SPTBN1: variants seen among roughly 807,000 people sequenced by gnomAD.
SPTBN1 encodes spectrin beta chain, non-erythrocytic 1.
SPTBN1 carries 32 observed loss-of-function variants against 266.4 expected under a neutral mutation model. That is an observed-to-expected ratio of 0.12 (90% CI 0.09 to 0.16). The LOEUF (loss-of-function observed/expected upper bound fraction) is 0.16, where lower values mean the gene tolerates loss of function less well. Ranked by LOEUF, SPTBN1 falls within the 10% of genes least tolerant of loss-of-function variation. The probability of loss-of-function intolerance (pLI) is 1.00; values close to 1 mark genes in which losing one functional copy is unlikely to be tolerated. For missense variants in SPTBN1, 2,296 were observed against 3,067.1 expected (o/e 0.75, Z 5.94); for synonymous variants, 1,336 against 1,162.2 (o/e 1.15, Z -3.04).
At chr2:54,478,902 G>GTA (rs745399046) in intron 1 of SPTBN1, among the ~76,000 whole-genome samples, 4 of 144,034 alleles carry the variant, frequency 2.8e-5, no homozygotes, top group Non-Finnish European at 6.2e-5. Context: ...GAGTGTGTGT[G>GTA]TATATATATG....
At chr2:54,517,459 A>G (rs1402571719) in intron 1 of SPTBN1, among the ~76,000 whole-genome samples, 1 of 152,184 alleles carries the variant, frequency 6.6e-6, no homozygotes, top group Non-Finnish European at 1.5e-5. Context: ...ATAGTGGGAA[A>G]TATTACTATA....
chr2:54,655,348 C>T (rs941973670), intron 28 of SPTBN1, 140 bp downstream of exon 28: 15 of 1,199,668 alleles, frequency 1.3e-5, no homozygotes, highest in Middle Eastern at 2.0e-4. Flanking sequence ...CTTTCCTGTG[C>T]GTCTAGAATA....
chr2:54,607,534 A>T (rs1410186750), intron 3 of SPTBN1, among the ~76,000 whole-genome samples: 1 of 152,152 alleles, frequency 6.6e-6, no homozygotes, highest in Non-Finnish European at 1.5e-5. Context: ...AGGCAGGAGA[A>T]TCTCTTGAAC....
chr2:54,557,058 T>A (rs1255147777), intron 2 of SPTBN1, among the ~76,000 whole-genome samples: 1 of 152,248 alleles, frequency 6.6e-6, no homozygotes. Flanking sequence ...AGAAATGTTG[T>A]CTTCTTCAGG....
intron 1 of SPTBN1, among the ~76,000 whole-genome samples, chr2:54,494,823 A>G (rs1573269295): frequency 1.3e-5 from 2 of 152,172 alleles, no homozygotes; most frequent in Middle Eastern, 6.8e-3. Flanking sequence ...GATGGCAATG[A>G]TGGTTTCACA....
At chr2:54,617,981 G>A in intron 6 of SPTBN1, 97 bp from the exon 7 acceptor site, 1 of 958,968 alleles carries the variant, frequency 1.0e-6, no homozygotes, top group Non-Finnish European at 1.6e-6. Context: ...TCCACTAATT[G>A]GTGATTTTAA....
intron 1 of SPTBN1, among the ~76,000 whole-genome samples, chr2:54,498,925 G>A (rs1044535829): frequency 1.3e-5 from 2 of 151,866 alleles, no homozygotes; most frequent in African/African-American, 2.4e-5. Flanking sequence ...TTTATAATAC[G>A]AAGGGACTTT....
chr2:54,548,485 T>A (rs1044207847), intron 2 of SPTBN1, among the ~76,000 whole-genome samples: 2 of 152,218 alleles, frequency 1.3e-5, no homozygotes, highest in Non-Finnish European at 2.9e-5. Context: ...TTGTGGTGGA[T>A]GCTGGAAGGC....
chr2:54,617,947 T>A, intron 6 of SPTBN1, 131 bp from the exon 7 acceptor site: 1 of 739,762 alleles, frequency 1.4e-6, no homozygotes, highest in Non-Finnish European at 2.2e-6. Flanking sequence ...GATGATTCCA[T>A]GATAGTATAT....
chr2:54,499,467 G>A (rs1669139105), intron 1 of SPTBN1, among the ~76,000 whole-genome samples: 1 of 152,224 alleles, frequency 6.6e-6, no homozygotes, highest in Non-Finnish European at 1.5e-5. Context: ...CATAATGGAG[G>A]AAGGTGACTG....
At chr2:54,543,318 G>A (rs1672044483) in intron 2 of SPTBN1, among the ~76,000 whole-genome samples, 1 of 152,232 alleles carries the variant, frequency 6.6e-6, no homozygotes, top group South Asian at 2.1e-4. Flanking sequence ...TGCATGTGAA[G>A]TGTTAATTAT....
At chr2:54,617,586 C>T in intron 5 of SPTBN1, 22 bp from the exon 6 acceptor site, 1 of 1,612,830 alleles carries the variant, frequency 6.2e-7, no homozygotes, top group Admixed American at 1.7e-5. Flanking sequence ...GTTGCTTTTC[C>T]CTTCTGCTTT....
Position 54,558,977 on chromosome 2 carries a change from T to C in SPTBN1, c.148+32411T>C. On this transcript the variant is annotated intron_variant, in intron 2 of 35. Coordinates refer to ENST00000356805, the MANE Select transcript of SPTBN1 (RefSeq NM_003128.3). The surrounding 1 kb of genome is among the most constrained non-coding windows in gnomAD (Gnocchi z 4.6). The stretch of plus-strand genomic sequence containing the variant: ...TGTGACCCTAATGAAGACGGGCGGC[T>C]TCACAGCTCGGCCCCAGACCCTGTG... The C allele has an allele frequency of 6.8e-7, 1 of 1,472,442 alleles. No homozygotes were observed. Among genetic ancestry groups the C allele is most frequent in the Admixed American group, 2.2e-5 (1 of 46,294 alleles). The allele number at this position is 1,472,442 out of a possible 1,614,324, so 91.2% of individuals were successfully genotyped here. A position where few individuals can be genotyped will look rare whatever the true frequency, so the allele number is the denominator to read the frequency against.
intron 18 of SPTBN1, among the ~76,000 whole-genome samples, chr2:54,642,052 C>T (rs1679600886): frequency 2.6e-5 from 4 of 152,186 alleles, no homozygotes. Flanking sequence ...GCTGGCTCTG[C>T]ATTCTTTTGT....
chr2:54,647,417 A>C (rs1250042405), intron 24 of SPTBN1, among the ~76,000 whole-genome samples, 156 bp downstream of exon 24: 6 of 152,212 alleles, frequency 3.9e-5, no homozygotes, highest in Non-Finnish European at 1.5e-5. Context: ...CATCATTTAA[A>C]ACATCCTATC....
At chr2:54,483,885 C>T (rs1302229224) in intron 1 of SPTBN1, among the ~76,000 whole-genome samples, 3 of 152,130 alleles carry the variant, frequency 2.0e-5, no homozygotes, top group Admixed American at 1.3e-4. Flanking sequence ...GTGTTCTTGA[C>T]GGGGTTGTAT....
chr2:54,602,138 A>T (rs767234116), intron 3 of SPTBN1, among the ~76,000 whole-genome samples: 8 of 152,210 alleles, frequency 5.3e-5, no homozygotes, highest in Non-Finnish European at 1.2e-4. Context: ...AAATAAAACT[A>T]TTCTTTTCTC....
At position 54,645,862 on chromosome 2, in the gene SPTBN1, T is replaced by G; in HGVS notation, c.4495-66T>G. On this transcript the variant is annotated intron_variant, in intron 21 of 35. Transcript: ENST00000356805. This position sits in a 1 kb window ranked among gnomAD's most constrained non-coding sequence, Gnocchi z 4.3. ...CTTGCTGTCCCTCACTGCCCCTCAC[T>G]GCTCGTTTGTGTCGTATATTTGTTC... 2.5e-6 allele frequency: 4 copies of G among 1,572,082 alleles called. No homozygotes were observed. Among genetic ancestry groups the G allele is most frequent in the Non-Finnish European group, 3.5e-6 (4 of 1,144,104 alleles).
Position 54,648,991 on chromosome 2 carries a change from G to A in SPTBN1, c.5003G>A (p.Arg1668His), listed in dbSNP as rs766061615. The change falls in exon 25 of 36, where the codon CGC becomes CAC. Residue 1668 changes from arginine (R) to histidine (H), a missense_variant. By Grantham distance (29) the Arg-to-His change is conservative. This residue lies in a region of SPTBN1 where 644 missense variants were observed against 745.3 expected (regional missense o/e 0.86). Coordinates refer to ENST00000356805, the MANE Select transcript of SPTBN1 (RefSeq NM_003128.3). ...LVADSHPESE[R>H]ISMRQSKVDK... is the part of the protein sequence containing the mutation. ...TTGCTCCTTTTCTTTTTCAGTGAGC[G>A]CATTAGCATGCGGCAGTCCAAAGTG... is the stretch of plus-strand genomic sequence containing the variant. The A allele has an allele frequency of 1.0e-5, 16 of 1,604,936 alleles. No homozygotes were observed. The highest frequency in any genetic ancestry group is 2.2e-5 in the South Asian group (2 of 90,026).
Sources: gnomAD v4.1 joint callset for allele counts (sites outside exome capture counted in the v4.1 genomes callset) on GRCh38, gnomAD v4.1.1 for gene constraint, gnomAD v4.1.1 regional missense constraint, Gnocchi (gnomAD v3.1) non-coding constraint, MANE v1.5 for transcripts, NCBI Gene and HGNC (gene_info 2026-07-23, HGNC 2026-07-21) for gene names.